The following NKAIN2 variants were observed in gnomAD, a reference collection of about 807,000 sequenced individuals.
The protein encoded by NKAIN2 is sodium/potassium-transporting ATPase subunit beta-1-interacting protein 2.
Under a neutral mutation model 32.6 loss-of-function variants are expected in NKAIN2, and 14 were observed. That is an observed-to-expected ratio of 0.43 (90% confidence interval 0.28 to 0.67). The LOEUF (loss-of-function observed/expected upper bound fraction) is 0.67. Among genes scored for constraint, NKAIN2 ranks in the 30% least tolerant of loss-of-function variants. The pLI is 0.17. For missense variants in NKAIN2, 198 were observed against 258.3 expected, an observed-to-expected ratio of 0.77 and a Z score of 1.60; for synonymous variants, 80 against 87.2, an observed-to-expected ratio of 0.92 and a Z score of 0.46.
intron 3 of NKAIN2, among the ~76,000 whole-genome samples, chr6:124,356,828 T>G (rs1369251961): frequency 6.6e-6 from 1 of 152,224 alleles, no homozygotes; most frequent in Non-Finnish European, 1.5e-5. Context: ...TCGAATGACT[T>G]TTAATGATAT....
At chr6:124,024,864 G>A (rs936610869) in intron 1 of NKAIN2, among the ~76,000 whole-genome samples, 6 of 151,966 alleles carry the variant, frequency 3.9e-5, no homozygotes, top group African/African-American at 1.2e-4. Flanking sequence ...GCACATGCCT[G>A]TAATCTCAGC....
intron 4 of NKAIN2, among the ~76,000 whole-genome samples, chr6:124,707,336 A>G (rs950930614): frequency 5.3e-4 from 80 of 151,978 alleles, no homozygotes; most frequent in African/African-American, 1.7e-3. Context: ...AATGATTTAT[A>G]GTCCTTTGGG....
At chr6:124,673,218 A>G (rs1476932288) in intron 4 of NKAIN2, among the ~76,000 whole-genome samples, 1 of 151,936 alleles carries the variant, frequency 6.6e-6, no homozygotes, top group Non-Finnish European at 1.5e-5. Flanking sequence ...CTATAATAGG[A>G]TGTTCTTCTT....
At chr6:124,716,095 G>T (rs1775738276) in intron 4 of NKAIN2, among the ~76,000 whole-genome samples, 1 of 152,170 alleles carries the variant, frequency 6.6e-6, no homozygotes. Context: ...TTTATTAAAA[G>T]ATACACAGAG....
chr6:124,278,631 AAC>A (rs1281821173), intron 1 of NKAIN2, among the ~76,000 whole-genome samples: 2 of 121,092 alleles, frequency 1.7e-5, no homozygotes, highest in Non-Finnish European at 3.4e-5. Context: ...TACACACACA[AAC>A]ACACATATAC....
chr6:124,304,856 G>A (rs1796445240), intron 2 of NKAIN2, among the ~76,000 whole-genome samples: 1 of 152,118 alleles, frequency 6.6e-6, no homozygotes, highest in South Asian at 2.1e-4. Context: ...GGAGACTGTA[G>A]TGAGCCAAGA....
intron 1 of NKAIN2, among the ~76,000 whole-genome samples, chr6:124,205,161 C>T (rs1015451729): frequency 6.6e-6 from 1 of 151,636 alleles, no homozygotes; most frequent in African/African-American, 2.4e-5. Flanking sequence ...TGAAAATAGT[C>T]CATAGGCCAA....
chr6:123,916,564 C>G (rs755357104), intron 1 of NKAIN2, among the ~76,000 whole-genome samples: 41 of 152,166 alleles, frequency 2.7e-4, no homozygotes, highest in Admixed American at 9.2e-4. Context: ...TGCCCTACCT[C>G]CAGTATACTT....
chr6:124,563,154 T>C (rs1780767731), intron 3 of NKAIN2, among the ~76,000 whole-genome samples: 1 of 151,654 alleles, frequency 6.6e-6, no homozygotes, highest in South Asian at 2.1e-4. Context: ...TCTGCCCCCC[T>C]TGGCCTCCCA....
intron 3 of NKAIN2, among the ~76,000 whole-genome samples, chr6:124,466,510 G>A (rs1776761293): frequency 6.6e-6 from 1 of 151,998 alleles, no homozygotes; most frequent in African/African-American, 2.4e-5. Flanking sequence ...GAATGAAACT[G>A]GGATCTCTAT....
intron 2 of NKAIN2, among the ~76,000 whole-genome samples, chr6:124,323,784 C>CTTTTTTTTTTT (rs1188944631): frequency 8.6e-6 from 1 of 115,932 alleles, no homozygotes. Flanking sequence ...TTAATTTTTT[C>CTTTTTTTTTTT]TTTTTTTTTT....
chr6:123,845,734 G>A lies in NKAIN2; in HGVS notation c.54+41480G>A, dbSNP rs540135464. Among the ~76,000 whole-genome samples, 24 of 152,272 alleles carry A rather than the reference G, an allele frequency of 1.6e-4. No homozygotes were observed. In the East Asian group the frequency reaches 4.6e-3, roughly 29 times the overall value. ...GCATGGATTTTGGTATACACAGGAG[G>A]TCCTGGAACTAATCCCCCACGGATA... On this transcript the variant is annotated intron_variant, in intron 1 of 6. Transcript: ENST00000368417.
intron 1 of NKAIN2, among the ~76,000 whole-genome samples, chr6:123,959,726 C>G (rs570586308): frequency 2.2e-4 from 33 of 151,608 alleles, no homozygotes; most frequent in African/African-American, 7.7e-4. Flanking sequence ...ACTACAGTGG[C>G]TAGGGAAGTT....
chr6:123,894,643 A>C (rs1414695608), intron 1 of NKAIN2, among the ~76,000 whole-genome samples: 2 of 152,134 alleles, frequency 1.3e-5, no homozygotes, highest in African/African-American at 4.8e-5. Context: ...AGTGAGAGGG[A>C]CAGCTCTTGG....
In NKAIN2 at chr6:124,726,158, A is replaced by C. The variant is rs370720608; in HGVS notation, c.475-65181A>C. Among the ~76,000 whole-genome samples the C allele has an allele frequency of 3.1e-4, 47 of 152,288 alleles. 1 individual carries two copies. The South Asian group carries it at 5.2e-3, about 17-fold the overall frequency. ...GGGCGCCCACCATTGCCCAGGCTTG[A>C]TTAGGTAAACAAAGCAGCCAGAAAG... On this transcript the variant is annotated intron_variant, in intron 4 of 6. Coordinates refer to ENST00000368417, the MANE Select transcript of NKAIN2 (RefSeq NM_001040214.3).
At chr6:124,707,401 C>G (rs1295178785) in intron 4 of NKAIN2, among the ~76,000 whole-genome samples, 4 of 151,062 alleles carry the variant, frequency 2.6e-5, no homozygotes, top group Non-Finnish European at 4.4e-5. Flanking sequence ...TTCTAGATCC[C>G]TGAGGAATGG....
intron 1 of NKAIN2, among the ~76,000 whole-genome samples, chr6:124,005,439 A>C (rs1780039100): frequency 6.6e-6 from 1 of 152,156 alleles, no homozygotes; most frequent in Non-Finnish European, 1.5e-5. Context: ...GTTTAAATAT[A>C]TACTTATATG....
chr6:124,457,693 A>G (rs1435298629), intron 3 of NKAIN2, among the ~76,000 whole-genome samples: 4 of 151,838 alleles, frequency 2.6e-5, no homozygotes, highest in Non-Finnish European at 4.4e-5. Context: ...ATTAACACCC[A>G]TTTCCAACAA....
chr6:124,566,779 T>C (rs932267489), intron 3 of NKAIN2, among the ~76,000 whole-genome samples: 1 of 151,990 alleles, frequency 6.6e-6, no homozygotes, highest in East Asian at 1.9e-4. Context: ...AATTGAGTAC[T>C]AAAAAAACCT....
Sources: allele counts gnomAD v4.1 joint callset (sites outside exome capture counted in the v4.1 genomes callset), GRCh38; gene constraint gnomAD v4.1.1; transcripts MANE v1.5; gene names NCBI Gene and HGNC (gene_info 2026-07-23, HGNC 2026-07-21).